NGEF: variants seen among roughly 807,000 people sequenced by gnomAD.
NGEF encodes ephexin-1.
A neutral mutation model predicts 80.9 loss-of-function variants in NGEF; 31 were observed. The ratio of observed to expected loss-of-function variants is 0.38; its 90% CI spans 0.29 to 0.52. NGEF has a LOEUF of 0.52. Ranked by LOEUF, NGEF falls within the 20% of genes least tolerant of loss-of-function variation. The probability of loss-of-function intolerance (pLI) is 0.84; values close to 1 mark genes in which losing one functional copy is unlikely to be tolerated. For missense variants in NGEF, 709 were observed against 926.2 expected (o/e 0.77, Z 3.04); for synonymous variants, 371 against 370.2 (o/e 1.00, Z -0.03).
intron 1 of NGEF, among the ~76,000 whole-genome samples, chr2:232,980,336 C>A (rs894982199): frequency 6.6e-6 from 1 of 152,010 alleles, no homozygotes; most frequent in Admixed American, 6.6e-5. Flanking sequence ...CCAGCTACTG[C>A]AGGGGAGGAA....
At chr2:233,006,827 C>T (rs190483023) in intron 1 of NGEF, among the ~76,000 whole-genome samples, 120 of 152,146 alleles carry the variant, frequency 7.9e-4, no homozygotes, top group Non-Finnish European at 1.3e-3. Context: ...AGAGGTTAAC[C>T]GACTCATCCG....
chr2:232,900,861 A>G (rs1023566225), intron 5 of NGEF, among the ~76,000 whole-genome samples: 1 of 152,150 alleles, frequency 6.6e-6, no homozygotes, highest in Non-Finnish European at 1.5e-5. Flanking sequence ...CCGTGGGGCC[A>G]GGACCAGGAC....
At chr2:232,919,207 T>C (rs1277364858) in intron 5 of NGEF, among the ~76,000 whole-genome samples, 1 of 152,244 alleles carries the variant, frequency 6.6e-6, no homozygotes, top group Admixed American at 6.5e-5. Context: ...TATAGGCTAC[T>C]GTTTCATGTT....
At chr2:232,979,827 G>A (rs1230412985) in intron 1 of NGEF, among the ~76,000 whole-genome samples, 7 of 151,838 alleles carry the variant, frequency 4.6e-5, no homozygotes, top group Non-Finnish European at 8.8e-5. Flanking sequence ...TCCTGATGCC[G>A]GCCACACAAC....
rs1352385816 is a variant in NGEF, at chr2:232,927,199, G to C, written c.384-13C>G. The C allele has an allele frequency of 1.9e-6, 3 of 1,570,852 alleles. No individual in the cohort carries two copies. The South Asian group carries it at 3.6e-5, about 19-fold the overall frequency. On this transcript the variant is annotated splice_polypyrimidine_tract_variant and intron_variant, in intron 3 of 14. Transcript: ENST00000264051. ...GGAGGACGACTCACTGCCAGAGAGG[G>C]AGGAGGACAGGGGCTGGTTATTTTT...
Position 232,920,443 on chromosome 2 carries a change from C to T in NGEF, c.669G>A (p.Glu223=), listed in dbSNP as rs754810990. The change falls in exon 5 of 15, where the codon GAG becomes GAA. Residue 223 remains glutamate (E), a synonymous_variant. Coordinates refer to ENST00000264051, the MANE Select transcript of NGEF (RefSeq NM_019850.3). ...CTGGTGGGCTGGCCGGCTCCTCCTCCTCCTCCTCTTCTTCTTCCTCCTCCG... is the reference window on the plus strand; with the variant it reads ...CTGGTGGGCTGGCCGGCTCCTCCTCTTCCTCCTCTTCTTCTTCCTCCTCCG... ...DTPEEEEEEE[E]EEEPASPPER... The T allele has an allele frequency of 2.5e-6, 4 of 1,613,818 alleles. No homozygotes were observed. The South Asian group carries it at 3.3e-5, about 13-fold the overall frequency.
At chr2:232,940,460 C>T (rs1693415089) in intron 3 of NGEF, among the ~76,000 whole-genome samples, 1 of 152,304 alleles carries the variant, frequency 6.6e-6, no homozygotes, top group South Asian at 2.1e-4. Flanking sequence ...TCTGCAAATG[C>T]TCCACACTCT....
At position 233,013,159 on chromosome 2, in the gene NGEF, T is replaced by A. The variant is rs534848518; in HGVS notation, c.-166A>T. 2.1e-6 allele frequency: 1 copy of A among 471,192 alleles called. No homozygotes were observed. Among genetic ancestry groups the A allele is most frequent in the Admixed American group, 2.3e-5 (1 of 42,576 alleles). The allele number at this position is 471,192 out of a possible 1,614,324, so 29.2% of individuals were successfully genotyped here. The stretch of plus-strand genomic sequence containing the variant: ...GTCCAGGCACCTGCGAGCAGGATGG[T>A]GTGTCCCCGGCTAAATCCACAGGCG... On this transcript the variant is annotated 5_prime_UTR_variant, in exon 1 of 15. Coordinates refer to ENST00000264051, the MANE Select transcript of NGEF (RefSeq NM_019850.3).
intron 3 of NGEF, chr2:232,928,175 G>T (rs1249978208): frequency 1.0e-6 from 1 of 979,528 alleles, no homozygotes; most frequent in African/African-American, 1.8e-5. Flanking sequence ...CGCGCGCCTG[G>T]AGGCTCCCGG....
rs1312945307 is a variant in NGEF at position 233,013,157 on chromosome 2, G to GGT, written c.-166_-165dup. The GGT allele has an allele frequency of 2.1e-6, 1 of 471,254 alleles. No individual in the cohort carries two copies. The highest frequency in any genetic ancestry group is 4.4e-6 in the Non-Finnish European group (1 of 227,092). 29.2% of individuals were successfully genotyped at this position (471,254 alleles called of 1,614,324 possible). A position where few individuals can be genotyped will look rare whatever the true frequency, so the allele number is the denominator to read the frequency against. On this transcript the variant is annotated 5_prime_UTR_variant, in exon 1 of 15. The change creates a premature stop within an existing upstream ORF in the 5' untranslated region. Coordinates refer to ENST00000264051, the MANE Select transcript of NGEF (RefSeq NM_019850.3). Reference sequence around the variant, plus strand: ...CTGTCCAGGCACCTGCGAGCAGGATGGTGTGTCCCCGGCTAAATCCACAGG... The same window carrying GGT: ...CTGTCCAGGCACCTGCGAGCAGGATGGTGTGTGTCCCCGGCTAAATCCACAGG...
intron 1 of NGEF, among the ~76,000 whole-genome samples, chr2:232,985,940 A>G (rs1192623537): frequency 1.1e-5 from 1 of 94,058 alleles, no homozygotes; most frequent in African/African-American, 2.9e-5. Flanking sequence ...ACTCCGTCCA[A>G]AAAAAAAAAA....
At chr2:232,899,219 G>T (rs768310235) in intron 5 of NGEF, among the ~76,000 whole-genome samples, 3 of 152,148 alleles carry the variant, frequency 2.0e-5, no homozygotes, top group Non-Finnish European at 4.4e-5. Flanking sequence ...GACTGTGTGT[G>T]TGAATGTGTG....
At chr2:232,987,141 C>G (rs1187823815) in intron 1 of NGEF, among the ~76,000 whole-genome samples, 3 of 152,114 alleles carry the variant, frequency 2.0e-5, no homozygotes, top group African/African-American at 7.2e-5. Flanking sequence ...CTCAGCCTCC[C>G]AAGTAGCTGG....
At chr2:232,972,859 T>C (rs10933418) in intron 2 of NGEF, among the ~76,000 whole-genome samples, 131,829 of 151,014 alleles carry the variant, frequency 0.87, 57,744 homozygotes, top group African/African-American at 0.93. Flanking sequence ...TGGGTTCAAG[T>C]GATTTTCCTG....
chr2:232,926,641 A>G (rs1693073796), intron 4 of NGEF, among the ~76,000 whole-genome samples: 1 of 151,676 alleles, frequency 6.6e-6, no homozygotes, highest in African/African-American at 2.4e-5. Context: ...CTCTAGCCCA[A>G]CTCTGCTCCC....
At chr2:232,983,043 C>T (rs1389129773) in intron 1 of NGEF, among the ~76,000 whole-genome samples, 1 of 152,236 alleles carries the variant, frequency 6.6e-6, no homozygotes, top group Non-Finnish European at 1.5e-5. Context: ...GCCAATCAAT[C>T]ACACAGGGAG....
chr2:232,899,794 A>ATT, intron 5 of NGEF, among the ~76,000 whole-genome samples: 1 of 85,110 alleles, frequency 1.2e-5, no homozygotes, highest in Non-Finnish European at 2.4e-5. Flanking sequence ...ACTCACATTC[A>ATT]CTCACACACA....
rs761174386 is a variant in NGEF at position 232,907,472 on chromosome 2, GT to G, written c.829-12557del. 5.9e-5 allele frequency among the ~76,000 whole-genome samples: 9 copies of G among 152,142 alleles called. No individual in the cohort carries two copies. The East Asian group carries it at 1.2e-3, about 20-fold the overall frequency. ...TGGAACATGCAATCTGAAGATCCCG[GT>G]TTTGTGTCGGTTACCAGATATTAAC... is the stretch of plus-strand genomic sequence containing the variant. On this transcript the variant is annotated intron_variant, in intron 5 of 14. Coordinates refer to ENST00000264051, the MANE Select transcript of NGEF (RefSeq NM_019850.3).
At chr2:232,945,657 G>A (rs1032264339) in intron 3 of NGEF, among the ~76,000 whole-genome samples, 4 of 150,264 alleles carry the variant, frequency 2.7e-5, no homozygotes, top group South Asian at 4.2e-4. Context: ...TGGTCCTGAC[G>A]ATGTCTTGCT....
Sources: allele counts gnomAD v4.1 joint callset (sites outside exome capture counted in the v4.1 genomes callset), GRCh38; gene constraint gnomAD v4.1.1; transcripts MANE v1.5; gene names NCBI Gene and HGNC (gene_info 2026-07-23, HGNC 2026-07-21).